Variants in TRABD2B observed in about 807,000 individuals in gnomAD.
TRABD2B encodes the protein TraB domain containing 2B.
A neutral mutation model predicts 40.1 loss-of-function variants in TRABD2B; 14 were observed. The ratio of observed to expected loss-of-function variants is 0.35; its 90% CI spans 0.23 to 0.55. The LOEUF (loss-of-function observed/expected upper bound fraction) is 0.55. Among genes scored for constraint, TRABD2B ranks in the 20% least tolerant of loss-of-function variants. The probability of loss-of-function intolerance (pLI) is 0.90; values close to 1 mark genes in which losing one functional copy is unlikely to be tolerated. For synonymous variants in TRABD2B, 263 were observed against 277.0 expected, an observed-to-expected ratio of 0.95 and a Z score of 0.50; for missense variants, 541 against 648.6, an observed-to-expected ratio of 0.83 and a Z score of 1.80.
chr1:47,847,364 G>A (rs1042031102), intron 2 of TRABD2B, among the ~76,000 whole-genome samples: 3 of 152,218 alleles, frequency 2.0e-5, no homozygotes, highest in African/African-American at 7.2e-5. Flanking sequence ...CTTCCATCTT[G>A]GAGGAAGGGC....
intron 4 of TRABD2B, among the ~76,000 whole-genome samples, chr1:47,786,505 G>A (rs1484569666): frequency 1.3e-5 from 2 of 152,174 alleles, no homozygotes; most frequent in Admixed American, 6.5e-5. Flanking sequence ...CAGCAACGGC[G>A]ACTCTGGCCA....
chr1:47,936,916 T>C (rs977546288), intron 2 of TRABD2B, among the ~76,000 whole-genome samples: 2 of 145,772 alleles, frequency 1.4e-5, no homozygotes, highest in African/African-American at 2.6e-5. Flanking sequence ...ATCATCACCA[T>C]CACCACCACC....
intron 2 of TRABD2B, among the ~76,000 whole-genome samples, chr1:47,993,011 A>G (rs1646034405): frequency 6.6e-6 from 1 of 152,234 alleles, no homozygotes; most frequent in Admixed American, 6.5e-5. Context: ...TTCCCTGGTG[A>G]AGAGCTTGCA....
At chr1:47,951,704 G>A (rs948130559) in intron 2 of TRABD2B, among the ~76,000 whole-genome samples, 1 of 152,206 alleles carries the variant, frequency 6.6e-6, no homozygotes, top group African/African-American at 2.4e-5. Flanking sequence ...GCAGTCCCTA[G>A]TAGCCCGGTG....
intron 2 of TRABD2B, among the ~76,000 whole-genome samples, chr1:47,922,999 C>T (rs920476334): frequency 5.3e-5 from 8 of 152,246 alleles, no homozygotes; most frequent in African/African-American, 1.9e-4. Flanking sequence ...GACCTCCCTT[C>T]CTTGTGCACT....
At chr1:47,834,155 C>T (rs1236037021) in intron 2 of TRABD2B, among the ~76,000 whole-genome samples, 2 of 152,206 alleles carry the variant, frequency 1.3e-5, no homozygotes, top group Non-Finnish European at 2.9e-5. Flanking sequence ...AGATCCTACC[C>T]TCAATGCTGT....
intron 2 of TRABD2B, among the ~76,000 whole-genome samples, chr1:47,945,590 C>A (rs1319315748): frequency 2.6e-5 from 4 of 152,180 alleles, no homozygotes; most frequent in Non-Finnish European, 4.4e-5. Flanking sequence ...CTCCCTCCTC[C>A]TCAGTCCCTG....
At chr1:47,799,538 G>C (rs1321044298) in intron 3 of TRABD2B, among the ~76,000 whole-genome samples, 1 of 152,186 alleles carries the variant, frequency 6.6e-6, no homozygotes, top group African/African-American at 2.4e-5. Context: ...TCGGGTGACA[G>C]TCACTCACTG....
chr1:47,784,640 A>G (rs1644570765), intron 4 of TRABD2B, among the ~76,000 whole-genome samples: 1 of 152,204 alleles, frequency 6.6e-6, no homozygotes, highest in Non-Finnish European at 1.5e-5. Context: ...GGCCGGCCGG[A>G]TATCAAGCTA....
chr1:47,784,750 A>G (rs1192587226), intron 4 of TRABD2B, among the ~76,000 whole-genome samples: 2 of 152,174 alleles, frequency 1.3e-5, no homozygotes, highest in Non-Finnish European at 2.9e-5. Flanking sequence ...CTGGAGGGAC[A>G]CTGGCAGAGC....
chr1:47,990,800 TATATATATATATATATATATATA>T (rs1645996592), intron 2 of TRABD2B, among the ~76,000 whole-genome samples: 1 of 64,890 alleles, frequency 1.5e-5, no homozygotes, highest in Non-Finnish European at 3.1e-5. Context: ...TATATATATA[TATATATATATATATATATATATA>T]TATATATATA....
intron 4 of TRABD2B, among the ~76,000 whole-genome samples, chr1:47,793,369 G>A (rs988354579): frequency 6.6e-6 from 1 of 152,256 alleles, no homozygotes; most frequent in Admixed American, 6.5e-5. Flanking sequence ...CCCCTCCCCT[G>A]TGTCTCTACT....
chr1:47,838,909 A>G (rs1159807681), intron 2 of TRABD2B, among the ~76,000 whole-genome samples: 1 of 152,204 alleles, frequency 6.6e-6, no homozygotes, highest in Non-Finnish European at 1.5e-5. Flanking sequence ...AGAGATGTCC[A>G]GGCAGGGGCG....
chr1:47,880,600 T>C (rs555042235), intron 2 of TRABD2B, among the ~76,000 whole-genome samples: 5 of 152,232 alleles, frequency 3.3e-5, no homozygotes, highest in African/African-American at 1.2e-4. Flanking sequence ...AGGGGAACTG[T>C]CCGGGGAGGT....
At chr1:47,794,154 G>A (rs1367216156) in intron 4 of TRABD2B, among the ~76,000 whole-genome samples, 2 of 152,224 alleles carry the variant, frequency 1.3e-5, no homozygotes, top group African/African-American at 2.4e-5. Flanking sequence ...TACCAGCCAA[G>A]GTGATGTGGA....
At chr1:47,936,775 T>C (rs115328671) in intron 2 of TRABD2B, among the ~76,000 whole-genome samples, 8,792 of 152,240 alleles carry the variant, frequency 0.058, 472 homozygotes, top group East Asian at 0.29. Flanking sequence ...ATGATAACAG[T>C]ACCTGCCACA....
At chr1:47,792,994 A>T (rs1644696282) in intron 4 of TRABD2B, among the ~76,000 whole-genome samples, 1 of 150,440 alleles carries the variant, frequency 6.6e-6, no homozygotes, top group Non-Finnish European at 1.5e-5. Flanking sequence ...GTGGGAGGGG[A>T]CTCTTCCCTG....
rs1646109719 is a variant in TRABD2B, at chr1:47,997,340, C to A, written c.-551G>T. The stretch of plus-strand genomic sequence containing the variant: ...GCGGCGGGCGGCCGCGCGGCCGCTG[C>A]CCGGGCTCCGCCATGCTGCTCCGCG... On this transcript the variant is annotated 5_prime_UTR_variant, in exon 1 of 7. Transcript: ENST00000606738. 1 of 397,770 alleles carries A rather than the reference C, an allele frequency of 2.5e-6. No individual in the cohort carries two copies. The highest frequency in any genetic ancestry group is 3.4e-6 in the Non-Finnish European group (1 of 297,888). The allele number at this position is 397,770 out of a possible 1,614,324, so 24.6% of individuals were successfully genotyped here.
At chr1:47,993,884 G>C (rs1646048864) in intron 2 of TRABD2B, 150 bp downstream of exon 2, 1 of 753,204 alleles carries the variant, frequency 1.3e-6, no homozygotes, top group Admixed American at 2.9e-5. Flanking sequence ...GCAGCCAGGT[G>C]CTGCCTCGCT....
Sources: gnomAD v4.1 joint callset for allele counts (sites outside exome capture counted in the v4.1 genomes callset) on GRCh38, gnomAD v4.1.1 for gene constraint, MANE v1.5 for transcripts, NCBI Gene and HGNC (gene_info 2026-07-23, HGNC 2026-07-21) for gene names.